SYNE1: variants seen among roughly 807,000 people sequenced by gnomAD.
The protein encoded by SYNE1 is spectrin repeat containing nuclear envelope protein 1.
SYNE1 carries 616 observed loss-of-function variants against 1,111.0 expected under a neutral mutation model. The ratio of observed to expected loss-of-function variants is 0.55; its 90% confidence interval spans 0.52 to 0.59. The LOEUF is 0.59. SYNE1 is among the 20% of genes least tolerant of loss of function. SYNE1 has a pLI of 0.00. For missense variants in SYNE1, 10,006 were observed against 10,417.0 expected (o/e 0.96, Z 1.72); for synonymous variants, 3,855 against 3,825.8 (o/e 1.01, Z -0.28).
At chr6:152,231,983 A>G (rs2082882043) in intron 113 of SYNE1, 133 bp downstream of exon 113, 2 of 648,660 alleles carry the variant, frequency 3.1e-6, no homozygotes, top group Non-Finnish European at 2.7e-6. Flanking sequence ...TTTTCTTGCT[A>G]TTGAATTCCT....
Position 152,234,807 on chromosome 6 carries a change from A to G in SYNE1, c.20397-7T>C. 1 of 1,614,122 alleles carries G rather than the reference A, an allele frequency of 6.2e-7. No individual in the cohort carries two copies. Among genetic ancestry groups the G allele is most frequent in the Non-Finnish European group, 8.5e-7 (1 of 1,179,986 alleles). On this transcript the variant is annotated splice_polypyrimidine_tract_variant and splice_region_variant and intron_variant, in intron 110 of 145. Transcript: ENST00000367255. ...TGCAGATTCACTTTGATATCTGTTA[A>G]GTATATTATGGAGTCCATTAAGTAA...
chr6:152,308,588 A>G lies in SYNE1; in HGVS notation c.17247T>C (p.His5749=), dbSNP rs778265242. The G allele has an allele frequency of 6.2e-7, 1 of 1,612,606 alleles. No homozygotes were observed. The highest frequency in any genetic ancestry group is 8.5e-7 in the Non-Finnish European group (1 of 1,179,530). ...QYEQYEQEMK[H]LQQLIEGAHR... is the part of the protein sequence containing the mutation. The stretch of plus-strand genomic sequence containing the variant: ...GAGCTCCTTCTATCAGTTGCTGGAG[A>G]TGTTTCATTTCTTGCTCATATTGTT... Residue 5749 remains histidine, a synonymous_variant, in exon 91 of 146, where the codon CAT becomes CAC. Coordinates refer to ENST00000367255, the MANE Select transcript of SYNE1 (RefSeq NM_182961.4).
At chr6:152,433,232 TGATAGTC>T in intron 34 of SYNE1, among the ~76,000 whole-genome samples, 1 of 152,262 alleles carries the variant, frequency 6.6e-6, no homozygotes, top group East Asian at 1.9e-4. Flanking sequence ...AAGTGGCCAA[TGATAGTC>T]TATCCACCTG....
At chr6:152,164,021 CA>C in intron 131 of SYNE1, 141 bp downstream of exon 131, 1 of 1,156,048 alleles carries the variant, frequency 8.7e-7, no homozygotes, top group Non-Finnish European at 1.3e-6. Context: ...CCTGCCTAGG[CA>C]AAGCCCCCTT....
At chr6:152,302,405 A>G in intron 91 of SYNE1, 1 of 398,010 alleles carries the variant, frequency 2.5e-6, no homozygotes, top group South Asian at 2.2e-5. Flanking sequence ...CTCTCTTTAA[A>G]AGCAGAAAGC....
In SYNE1 at chr6:152,441,154, T is replaced by A. The variant is rs544182159; in HGVS notation, c.4125A>T (p.Leu1375Phe). 63 of 1,613,640 alleles carry A rather than the reference T, an allele frequency of 3.9e-5. No homozygotes were observed. The highest frequency in any genetic ancestry group is 4.8e-5 in the Non-Finnish European group (57 of 1,179,890). Residue 1375 changes from leucine (L) to phenylalanine (F), a missense_variant, in exon 32 of 146, where the codon TTA (leucine) becomes TTT (phenylalanine). Around this residue, in one of 7 missense-constraint regions of SYNE1, gnomAD observed 1,971 missense variants for 2,084.1 expected, o/e 0.95. Coordinates refer to ENST00000367255, the MANE Select transcript of SYNE1 (RefSeq NM_182961.4). ...RFLSFSSLES[L>F]SSELEQTKEF... is the part of the protein sequence containing the mutation. ...CCTTTGTTTGTTCCAGTTCTGAAGA[T>A]AAACTTTCCAAACTGCTAAAACTCA...
At chr6:152,352,737 G>T (rs7751117) in intron 69 of SYNE1, among the ~76,000 whole-genome samples, 86,944 of 151,608 alleles carry the variant, frequency 0.57, 25,046 homozygotes, top group East Asian at 0.62. Flanking sequence ...GTTTCTCAAG[G>T]CCTGTTTTTA....
rs527722908 is a variant in SYNE1 at position 152,412,380 on chromosome 6, C to T, written c.6230+972G>A. Among the ~76,000 whole-genome samples the T allele has an allele frequency of 2.1e-4, 32 of 150,586 alleles. No individual in the cohort carries two copies. In the South Asian group the frequency reaches 4.2e-3, roughly 20 times the overall value. On this transcript the variant is annotated intron_variant, in intron 42 of 145. Coordinates refer to ENST00000367255, the MANE Select transcript of SYNE1 (RefSeq NM_182961.4). The stretch of plus-strand genomic sequence containing the variant: ...TGGAGCTTGCAGCGAGCAGAGATAG[C>T]GCCACCGCACTCCAGCCTGGGCGAC...
At chr6:152,543,693 G>C (rs1298462841) in intron 3 of SYNE1, among the ~76,000 whole-genome samples, 1 of 152,194 alleles carries the variant, frequency 6.6e-6, no homozygotes. Flanking sequence ...AGTGCCATAA[G>C]ATTATAAACA....
chr6:152,453,693 C>T lies in SYNE1; in HGVS notation c.2920G>A (p.Val974Met), dbSNP rs1201025511. ...TEFFSQLDQR[V>M]LNAFLKACDE... is the part of the protein sequence containing the mutation. ...CAAGCTTTCAGGAAAGCATTGAGCA[C>T]CCTCTGATCCAGCTGACTGAAAAAC... is the stretch of plus-strand genomic sequence containing the variant. Residue 974 changes from valine (V) to methionine (M), a missense_variant, in exon 25 of 146, where the codon GTG becomes ATG. By Grantham distance (21) the Val-to-Met change is conservative (BLOSUM62 1). Coordinates refer to ENST00000367255, the MANE Select transcript of SYNE1 (RefSeq NM_182961.4). The T allele has an allele frequency of 2.5e-6, 4 of 1,614,144 alleles. No individual in the cohort carries two copies. The highest frequency in any genetic ancestry group is 2.2e-5 in the East Asian group (1 of 44,878).
chr6:152,543,930 A>G (rs985696040), intron 3 of SYNE1, among the ~76,000 whole-genome samples: 2 of 152,238 alleles, frequency 1.3e-5, no homozygotes, highest in African/African-American at 4.8e-5. Flanking sequence ...TTGCACAAGT[A>G]CACCCTACAG....
intron 40 of SYNE1, among the ~76,000 whole-genome samples, chr6:152,417,305 T>C (rs1214352330): frequency 2.0e-5 from 3 of 152,190 alleles, no homozygotes; most frequent in Non-Finnish European, 4.4e-5. Flanking sequence ...GAAACCATCC[T>C]GGCTAACACG....
intron 16 of SYNE1, among the ~76,000 whole-genome samples, chr6:152,468,169 AG>A (rs2098782618): frequency 6.6e-6 from 1 of 152,182 alleles, no homozygotes; most frequent in African/African-American, 2.4e-5. Context: ...TCACAAGATG[AG>A]TGTAAATATA....
At chr6:152,224,914 T>C (rs1377412708) in intron 116 of SYNE1, among the ~76,000 whole-genome samples, 2 of 147,512 alleles carry the variant, frequency 1.4e-5, no homozygotes, top group Non-Finnish European at 3.0e-5. Flanking sequence ...TATATATATA[T>C]ATGTATATAT....
rs2098758116 is a variant in SYNE1 at position 152,465,354 on chromosome 6, G to A, written c.1836C>T (p.Ile612=). The A allele has an allele frequency of 6.2e-7, 1 of 1,613,824 alleles. No individual in the cohort carries two copies. Among genetic ancestry groups the A allele is most frequent in the Non-Finnish European group, 8.5e-7 (1 of 1,179,842 alleles). Residue 612 remains isoleucine (I), a synonymous_variant, in exon 18 of 146, where the codon ATC becomes ATT. Transcript: ENST00000367255. The part of the protein sequence containing the change: ...RSVRSMLEEV[I]SNWDRYGNTV... The stretch of plus-strand genomic sequence containing the variant: ...TATTGCCATAGCGATCCCAGTTAGA[G>A]ATCACTTCTTCCAGCATGCTCCTCA...
At chr6:152,382,776 G>A (rs1392158200) in intron 55 of SYNE1, among the ~76,000 whole-genome samples, 2 of 152,092 alleles carry the variant, frequency 1.3e-5, no homozygotes, top group Non-Finnish European at 2.9e-5. Context: ...ACTCTCTTAT[G>A]CTTTATCCCA....
At chr6:152,613,370 G>A (rs2099637387) in intron 3 of SYNE1, among the ~76,000 whole-genome samples, 1 of 152,144 alleles carries the variant, frequency 6.6e-6, no homozygotes, top group African/African-American at 2.4e-5. Flanking sequence ...CAAACAGAGA[G>A]CCAAATCATA....
intron 3 of SYNE1, among the ~76,000 whole-genome samples, chr6:152,559,008 A>C (rs1158924024): frequency 6.7e-6 from 1 of 150,066 alleles, no homozygotes; most frequent in Non-Finnish European, 1.5e-5. Context: ...TTATTTATTT[A>C]TTTATTTATT....
intron 104 of SYNE1, among the ~76,000 whole-genome samples, chr6:152,253,149 A>C (rs1325113247): frequency 6.6e-6 from 1 of 152,124 alleles, no homozygotes; most frequent in African/African-American, 2.4e-5. Flanking sequence ...TATTGGATAA[A>C]ATTTAAGAGA....
Sources: allele counts gnomAD v4.1 joint callset (sites outside exome capture counted in the v4.1 genomes callset), GRCh38; gene constraint gnomAD v4.1.1; regional missense constraint gnomAD v4.1.1; transcripts MANE v1.5; gene names NCBI Gene and HGNC (gene_info 2026-07-23, HGNC 2026-07-21).